Variants in RALGAPA2 observed in about 807,000 individuals in gnomAD.
The protein encoded by RALGAPA2 is Ral GTPase activating protein catalytic subunit alpha 2, also known as ral GTPase-activating protein subunit alpha-2.
Under a neutral mutation model 230.4 loss-of-function variants are expected in RALGAPA2, and 139 were observed. The observed-to-expected ratio is 0.60, with a 90% CI of 0.53 to 0.69. The LOEUF (loss-of-function observed/expected upper bound fraction) is 0.69, where lower values mean the gene tolerates loss of function less well. RALGAPA2 is among the 30% of genes least tolerant of loss of function. The probability of loss-of-function intolerance (pLI) is 0.00; values close to 1 mark genes in which losing one functional copy is unlikely to be tolerated. For synonymous variants in RALGAPA2, 847 were observed against 837.8 expected (o/e 1.01, Z -0.19); for missense variants, 2,163 against 2,276.0 (o/e 0.95, Z 1.01).
intron 36 of RALGAPA2, among the ~76,000 whole-genome samples, chr20:20,491,157 C>T (rs1459247007): frequency 6.6e-6 from 1 of 152,154 alleles, no homozygotes; most frequent in East Asian, 1.9e-4. Flanking sequence ...TTGTGGTAGG[C>T]TTAGAACTGG....
At chr20:20,547,657 G>A (rs2063810272) in intron 23 of RALGAPA2, among the ~76,000 whole-genome samples, 1 of 152,232 alleles carries the variant, frequency 6.6e-6, no homozygotes, top group African/African-American at 2.4e-5. Flanking sequence ...GTGTGTGTGT[G>A]TGTGTAACAG....
chr20:20,483,225 A>G (rs900960036), intron 36 of RALGAPA2, among the ~76,000 whole-genome samples: 2 of 152,244 alleles, frequency 1.3e-5, no homozygotes, highest in Non-Finnish European at 2.9e-5. Flanking sequence ...CTGCCCATCA[A>G]AGAATGATGG....
intron 37 of RALGAPA2, among the ~76,000 whole-genome samples, chr20:20,468,348 T>G (rs2061465356): frequency 2.6e-5 from 4 of 152,058 alleles, no homozygotes. Context: ...CATCTGGGGG[T>G]ATAACTCCAT....
At chr20:20,527,914 C>A (rs1422506270) in intron 27 of RALGAPA2, among the ~76,000 whole-genome samples, 1 of 152,092 alleles carries the variant, frequency 6.6e-6, no homozygotes, top group Non-Finnish European at 1.5e-5. Flanking sequence ...AAGCTCTGAA[C>A]TCAAGAAGCT....
intron 5 of RALGAPA2, among the ~76,000 whole-genome samples, chr20:20,641,255 C>T (rs1258464559): frequency 6.6e-6 from 1 of 152,168 alleles, no homozygotes; most frequent in Non-Finnish European, 1.5e-5. Context: ...ATGGCTAACT[C>T]CCAGTAAGCA....
intron 1 of RALGAPA2, among the ~76,000 whole-genome samples, chr20:20,704,073 T>C (rs1042490427): frequency 6.6e-6 from 1 of 152,120 alleles, no homozygotes; most frequent in Non-Finnish European, 1.5e-5. Flanking sequence ...TATCACCACA[T>C]GAGTAAGAAA....
intron 37 of RALGAPA2, among the ~76,000 whole-genome samples, chr20:20,432,936 C>T (rs1186901933): frequency 6.6e-6 from 1 of 152,194 alleles, no homozygotes; most frequent in Non-Finnish European, 1.5e-5. Context: ...GCAGAGCCTC[C>T]GCTCCAGCTG....
chr20:20,545,856 G>C (rs1040552169), intron 24 of RALGAPA2, among the ~76,000 whole-genome samples: 1 of 152,156 alleles, frequency 6.6e-6, no homozygotes, highest in African/African-American at 2.4e-5. Flanking sequence ...TTTAAGGCTA[G>C]GAGTTTGAGA....
At chr20:20,470,423 C>T (rs1027341152) in intron 37 of RALGAPA2, among the ~76,000 whole-genome samples, 1 of 152,140 alleles carries the variant, frequency 6.6e-6, no homozygotes, top group African/African-American at 2.4e-5. Context: ...AAAGTAATTC[C>T]ACTGGCTCGT....
At chr20:20,534,553 C>CAA (rs964337431) in intron 26 of RALGAPA2, among the ~76,000 whole-genome samples, 1 of 137,960 alleles carries the variant, frequency 7.2e-6, no homozygotes, top group Admixed American at 7.2e-5. Context: ...TCAGTACTGT[C>CAA]AAAAAAAAAA....
intron 37 of RALGAPA2, among the ~76,000 whole-genome samples, chr20:20,426,366 T>C (rs187393461): frequency 5.3e-5 from 8 of 152,338 alleles, no homozygotes; most frequent in Non-Finnish European, 1.2e-4. Context: ...TGTACTGTTC[T>C]ACACCTTCTG....
intron 37 of RALGAPA2, among the ~76,000 whole-genome samples, chr20:20,463,989 A>T (rs1027577008): frequency 6.6e-6 from 1 of 152,096 alleles, no homozygotes; most frequent in Non-Finnish European, 1.5e-5. Flanking sequence ...TGCAAACCCG[A>T]GATTCTTCTG....
In RALGAPA2 at chr20:20,584,864, CTCT is replaced by C. The variant is rs2065087033; in HGVS notation, c.2528_2530del (p.Lys843del). ...AGGAACAGACATTTCCCGGAACTTA[CTCT>C]TCTGTCTTTCCCTACATTTTCCTTG... On this transcript the variant is annotated inframe_deletion and splice_region_variant, in exon 19 of 40. Coordinates refer to ENST00000202677, the MANE Select transcript of RALGAPA2 (RefSeq NM_020343.4). The C allele has an allele frequency of 4.4e-6, 7 of 1,598,900 alleles. No homozygotes were observed. Among genetic ancestry groups the C allele is most frequent in the Non-Finnish European group, 6.0e-6 (7 of 1,167,402 alleles).
chr20:20,458,785 T>TACATAC (rs1340078939), intron 37 of RALGAPA2, among the ~76,000 whole-genome samples: 9 of 143,554 alleles, frequency 6.3e-5, no homozygotes, highest in South Asian at 2.1e-4. Flanking sequence ...TATATATATA[T>TACATAC]AGACCTATAT....
intron 37 of RALGAPA2, among the ~76,000 whole-genome samples, chr20:20,430,789 C>G (rs79813643): frequency 3.9e-5 from 6 of 152,170 alleles, no homozygotes; most frequent in Non-Finnish European, 5.9e-5. Context: ...ACTGGGATCA[C>G]CTGGTCTCAG....
chr20:20,396,610 G>C, intron 39 of RALGAPA2, 85 bp downstream of exon 39: 1 of 1,304,334 alleles, frequency 7.7e-7, no homozygotes, highest in Non-Finnish European at 1.1e-6. Context: ...TGCAGGGTCC[G>C]CTACCGAGGG....
intron 3 of RALGAPA2, among the ~76,000 whole-genome samples, chr20:20,661,409 C>T (rs1408488096): frequency 1.3e-5 from 2 of 152,192 alleles, no homozygotes; most frequent in Admixed American, 6.5e-5. Context: ...ATCTGCCCAC[C>T]TCGGCCTCCC....
At chr20:20,433,542 G>A (rs1045907778) in intron 37 of RALGAPA2, among the ~76,000 whole-genome samples, 5 of 152,214 alleles carry the variant, frequency 3.3e-5, no homozygotes, top group African/African-American at 4.8e-5. Context: ...ACCTAAAAAC[G>A]CAGTACTTTT....
At chr20:20,644,278 T>C (rs2067137368) in intron 4 of RALGAPA2, among the ~76,000 whole-genome samples, 1 of 152,186 alleles carries the variant, frequency 6.6e-6, no homozygotes, top group Non-Finnish European at 1.5e-5. Flanking sequence ...GCAAGAGAAC[T>C]TTCCTCTCAG....
Sources: gnomAD v4.1 joint callset for allele counts (sites outside exome capture counted in the v4.1 genomes callset) on GRCh38, gnomAD v4.1.1 for gene constraint, MANE v1.5 for transcripts, NCBI Gene and HGNC (gene_info 2026-07-23, HGNC 2026-07-21) for gene names.